The following SUGCT variants were observed in gnomAD, a reference collection of about 807,000 sequenced individuals.
SUGCT encodes the protein succinyl-CoA:glutarate-CoA transferase, also known as succinyl-CoA:glutarate CoA-transferase.
In SUGCT, 41 loss-of-function variants were observed where a neutral mutation model predicts 55.0. The observed-to-expected ratio is 0.74, with a 90% CI of 0.58 to 0.97. The LOEUF is 0.97. Among genes scored for constraint, SUGCT ranks in the 50% least tolerant of loss-of-function variants. The pLI, the probability that SUGCT is intolerant of heterozygous loss-of-function variation, is 0.00. For missense variants in SUGCT, 568 were observed against 547.8 expected, an observed-to-expected ratio of 1.04 and a Z score of -0.37; for synonymous variants, 187 against 200.4, an observed-to-expected ratio of 0.93 and a Z score of 0.56.
At chr7:40,579,736 G>A (rs1028123298) in intron 12 of SUGCT, among the ~76,000 whole-genome samples, 2 of 152,178 alleles carry the variant, frequency 1.3e-5, no homozygotes, top group Non-Finnish European at 2.9e-5. Flanking sequence ...GACAGGTCAG[G>A]ACTGGAGCAT....
At chr7:40,996,438 T>C in the SUGCT span, among the ~76,000 whole-genome samples, 4 of 152,102 alleles carry the variant, frequency 2.6e-5, no homozygotes, top group Non-Finnish European at 5.9e-5. Context: ...AAGGCAGTGG[T>C]TTGTTGAGAG....
At chr7:40,139,154 ATAAATAAAT>A (rs1474015868) in intron 1 of SUGCT, among the ~76,000 whole-genome samples, 2 of 151,122 alleles carry the variant, frequency 1.3e-5, no homozygotes, top group Non-Finnish European at 3.0e-5. Context: ...AAATAAATAA[ATAAATAAAT>A]AAATAAATAA....
chr7:40,249,312 G>GCTATCTATATCTATATATATATATCT (rs1421104147), intron 7 of SUGCT, among the ~76,000 whole-genome samples: 1 of 22,206 alleles, frequency 4.5e-5, no homozygotes, highest in Non-Finnish European at 7.2e-5. Flanking sequence ...ACACCAAAAA[G>GCTATCTATATCTATATATATATATCT]CTATATATAT....
chr7:40,647,016 G>T (rs977294917), intron 12 of SUGCT, among the ~76,000 whole-genome samples: 11 of 152,310 alleles, frequency 7.2e-5, no homozygotes, highest in Middle Eastern at 3.4e-3. Context: ...GTACACACTG[G>T]CTAGAGTTCA....
intron 9 of SUGCT, among the ~76,000 whole-genome samples, chr7:40,417,140 C>T (rs1046415549): frequency 3.3e-5 from 5 of 151,904 alleles, no homozygotes; most frequent in East Asian, 1.9e-4. Context: ...TTCTCCTTAT[C>T]AGACCTGTGA....
At chr7:40,507,171 C>A (rs993760749) in intron 12 of SUGCT, among the ~76,000 whole-genome samples, 1 of 152,120 alleles carries the variant, frequency 6.6e-6, no homozygotes, top group Non-Finnish European at 1.5e-5. Flanking sequence ...CTCCCCTCCC[C>A]GACCTTTAAG....
the SUGCT span, among the ~76,000 whole-genome samples, chr7:40,876,725 G>A: frequency 3.3e-5 from 5 of 152,188 alleles, no homozygotes; most frequent in South Asian, 4.2e-4. Flanking sequence ...AGGTGGGGTC[G>A]GTGTGTGGGG....
chr7:40,485,417 C>CTTTTTTTTT (rs397889166), intron 11 of SUGCT, among the ~76,000 whole-genome samples: 107 of 74,428 alleles, frequency 1.4e-3, no homozygotes, highest in Non-Finnish European at 1.9e-3. Flanking sequence ...TATATACATT[C>CTTTTTTTTT]TTTTTTTTTT....
chr7:41,016,430 G>GAT, the SUGCT span, among the ~76,000 whole-genome samples: 1 of 152,112 alleles, frequency 6.6e-6, no homozygotes, highest in East Asian at 1.9e-4. Context: ...AGAACCCATA[G>GAT]ATTCCTGTTT....
chr7:40,257,484 TA>T (rs887087045), intron 7 of SUGCT, among the ~76,000 whole-genome samples: 4 of 150,878 alleles, frequency 2.7e-5, no homozygotes, highest in African/African-American at 7.3e-5. Flanking sequence ...AAAGAAATGT[TA>T]AAAAAAAAGA....
chr7:40,965,482 A>T, the SUGCT span: 1 of 152,204 alleles, frequency 6.6e-6, no homozygotes, highest in Non-Finnish European at 1.5e-5. Context: ...TATTAATAAT[A>T]ACTTAAAAAG....
At chr7:40,659,402 C>T (rs779766780) in intron 12 of SUGCT, among the ~76,000 whole-genome samples, 2 of 152,120 alleles carry the variant, frequency 1.3e-5, no homozygotes, top group Admixed American at 6.5e-5. Flanking sequence ...CCTCTCCATG[C>T]GTGCCTATTA....
chr7:40,924,883 G>A, the SUGCT span, among the ~76,000 whole-genome samples: 3 of 152,186 alleles, frequency 2.0e-5, no homozygotes, highest in Admixed American at 6.5e-5. Flanking sequence ...ATGCTTTCAT[G>A]TCATTATGTG....
At chr7:40,614,787 A>G (rs1045903706) in intron 12 of SUGCT, among the ~76,000 whole-genome samples, 12 of 152,012 alleles carry the variant, frequency 7.9e-5, no homozygotes, top group African/African-American at 2.9e-4. Flanking sequence ...AATAGGGATA[A>G]TGTGGCTCAC....
At chr7:40,907,840 C>A in the SUGCT span, among the ~76,000 whole-genome samples, 1 of 152,120 alleles carries the variant, frequency 6.6e-6, no homozygotes, top group African/African-American at 2.4e-5. Flanking sequence ...ATCATCCTCA[C>A]CAAAATTGAG....
chr7:40,208,379 A>G (rs557369221), intron 6 of SUGCT, among the ~76,000 whole-genome samples: 1 of 152,256 alleles, frequency 6.6e-6, no homozygotes, highest in African/African-American at 2.4e-5. Context: ...AAAAGTAGAG[A>G]AAAAAAGGAA....
intron 10 of SUGCT, 116 bp downstream of exon 10, chr7:40,449,474 TATTC>T (rs1356754947): frequency 9.8e-6 from 7 of 715,624 alleles, no homozygotes; most frequent in Non-Finnish European, 1.8e-5. Context: ...AAGTATAGGA[TATTC>T]ATGCGCATAA....
At chr7:40,205,233 C>T (rs370418299) in intron 6 of SUGCT, among the ~76,000 whole-genome samples, 5 of 149,914 alleles carry the variant, frequency 3.3e-5, no homozygotes, top group African/African-American at 4.9e-5. Context: ...CCAGCCTGGG[C>T]GACAGAGCAA....
intron 9 of SUGCT, among the ~76,000 whole-genome samples, chr7:40,431,117 C>CA (rs869159761): frequency 0.024 from 2,076 of 86,204 alleles, 30 homozygotes; most frequent in South Asian, 0.096. Context: ...GACTTCGTCT[C>CA]AAAAAAAAAA....
Sources: gnomAD v4.1 joint callset for allele counts (sites outside exome capture counted in the v4.1 genomes callset) on GRCh38, gnomAD v4.1.1 for gene constraint, MANE v1.5 for transcripts, NCBI Gene and HGNC (gene_info 2026-07-23, HGNC 2026-07-21) for gene names.